The following JAK2 variants were observed in gnomAD, a reference collection of about 807,000 sequenced individuals.
JAK2 encodes Janus kinase 2, also known as tyrosine-protein kinase JAK2.
Under a neutral mutation model 139.3 loss-of-function variants are expected in JAK2, and 86 were observed. The ratio of observed to expected loss-of-function variants is 0.62; its 90% CI spans 0.52 to 0.74. The LOEUF (loss-of-function observed/expected upper bound fraction) is 0.74. Ranked by LOEUF, JAK2 falls within the 30% of genes least tolerant of loss-of-function variation. The pLI is 0.00. For missense variants in JAK2, 1,421 were observed against 1,360.3 expected (o/e 1.04, Z -0.70); for synonymous variants, 490 against 437.7 (o/e 1.12, Z -1.49).
At chr9:5,124,315 T>C (rs1159720324) in intron 23 of JAK2, among the ~76,000 whole-genome samples, 4 of 151,606 alleles carry the variant, frequency 2.6e-5, no homozygotes, top group African/African-American at 9.7e-5. Flanking sequence ...TTTCTCTAGG[T>C]TTTTTTTCTA....
chr9:5,066,222 G>C (rs1475609981), intron 9 of JAK2, among the ~76,000 whole-genome samples: 1 of 152,014 alleles, frequency 6.6e-6, no homozygotes, highest in East Asian at 1.9e-4. Flanking sequence ...CAGTTGCCAT[G>C]GTTCTTCTCT....
At position 5,090,487 on chromosome 9, in the gene JAK2, G is replaced by A. The variant is rs768007778; in HGVS notation, c.2803G>A (p.Gly935Arg). ...ATTAATTATGGAATATTTACCATATGGAAGTTTACGAGACTATCTTCAAAA... is the reference window on the plus strand; with the variant it reads ...ATTAATTATGGAATATTTACCATATAGAAGTTTACGAGACTATCTTCAAAA... Reference protein sequence around the residue: ...LKLIMEYLPYGSLRDYLQKHK... With the variant: ...LKLIMEYLPYRSLRDYLQKHK... Residue 935 changes from glycine (G) to arginine (R), a missense_variant, in exon 21 of 25, where the codon GGA (glycine) becomes AGA (arginine). Gly to Arg is a moderately radical substitution (Grantham distance 125). Transcript: ENST00000381652. The A allele has an allele frequency of 1.3e-6, 2 of 1,585,754 alleles. No homozygotes were observed. Among genetic ancestry groups the A allele is most frequent in the Non-Finnish European group, 1.7e-6 (2 of 1,165,964 alleles).
chr9:5,072,384 T>C (rs552293574), intron 12 of JAK2, 108 bp from the exon 13 acceptor site: 1 of 718,830 alleles, frequency 1.4e-6, no homozygotes, highest in Non-Finnish European at 2.1e-6. Context: ...CTAAGGAAAA[T>C]ACTTGCTTAT....
chr9:5,107,203 G>A (rs1234292949), intron 22 of JAK2, among the ~76,000 whole-genome samples: 2 of 151,920 alleles, frequency 1.3e-5, no homozygotes, highest in African/African-American at 4.8e-5. Context: ...AACTAGTTTC[G>A]ATAATATCTG....
chr9:5,090,830 GAGATTTTGGGTTAACCAAAGT>G lies in JAK2; in HGVS notation c.2979_2999del (p.Asp994_Val1000del). 1 of 1,613,418 alleles carries G rather than the reference GAGATTTTGGGTTAACCAAAGT, an allele frequency of 6.2e-7. No individual in the cohort carries two copies. Among genetic ancestry groups the G allele is most frequent in the Non-Finnish European group, 8.5e-7 (1 of 1,179,564 alleles). On this transcript the variant is annotated inframe_deletion, in exon 22 of 25. Transcript: ENST00000381652. Reference sequence around the variant, plus strand: ...GAGAACGAGAACAGAGTTAAAATTGGAGATTTTGGGTTAACCAAAGTCTTGCCACAAGACAAAGAATACTAT... The same window carrying G: ...GAGAACGAGAACAGAGTTAAAATTGGCTTGCCACAAGACAAAGAATACTAT...
At chr9:5,037,424 A>G (rs1340651183) in intron 4 of JAK2, among the ~76,000 whole-genome samples, 1 of 152,256 alleles carries the variant, frequency 6.6e-6, no homozygotes, top group Non-Finnish European at 1.5e-5. Flanking sequence ...TTATTGCGGC[A>G]CTATTCACAA....
rs150334355 is a variant in JAK2, at chr9:5,075,747, A to G, written c.1865-1706A>G. On this transcript the variant is annotated intron_variant, in intron 14 of 24. Coordinates refer to ENST00000381652, the MANE Select transcript of JAK2 (RefSeq NM_004972.4). Reference sequence around the variant, plus strand: ...ACAACATCCATTCTGTAGCCCATGGATCAAGGAGTTATTTCAACTTTCAAG... The same window carrying G: ...ACAACATCCATTCTGTAGCCCATGGGTCAAGGAGTTATTTCAACTTTCAAG... 5.8e-4 allele frequency among the ~76,000 whole-genome samples: 88 copies of G among 152,318 alleles called. 4 individuals are homozygous for G. The East Asian group carries it at 9.1e-3, about 16-fold the overall frequency.
intron 4 of JAK2, among the ~76,000 whole-genome samples, chr9:5,039,615 G>T (rs1336876203): frequency 6.6e-6 from 1 of 151,892 alleles, no homozygotes; most frequent in African/African-American, 2.4e-5. Context: ...AAAACTATTA[G>T]AACTAATAAA....
At chr9:5,053,743 C>T (rs2149555) in intron 6 of JAK2, among the ~76,000 whole-genome samples, 36,669 of 151,312 alleles carry the variant, frequency 0.24, 4,746 homozygotes, top group South Asian at 0.31. Flanking sequence ...TTATACGGGA[C>T]GGACATTAAT....
intron 2 of JAK2, among the ~76,000 whole-genome samples, chr9:5,005,228 G>A (rs1170829759): frequency 6.7e-6 from 1 of 150,170 alleles, no homozygotes; most frequent in African/African-American, 2.5e-5. Flanking sequence ...GGGATTACAG[G>A]GTTGAGCCAC....
chr9:5,091,974 G>A (rs894898246), intron 22 of JAK2, among the ~76,000 whole-genome samples: 1 of 152,066 alleles, frequency 6.6e-6, no homozygotes, highest in Non-Finnish European at 1.5e-5. Context: ...TTAGTGATGA[G>A]GAATCCGGCG....
At chr9:5,098,094 A>G (rs1374787239) in intron 22 of JAK2, 1 of 152,202 alleles carries the variant, frequency 6.6e-6, no homozygotes, top group Non-Finnish European at 1.5e-5. Context: ...TTTGTTTCGA[A>G]AAGAAAAACT....
chr9:5,075,584 T>C (rs2130569941), intron 14 of JAK2, among the ~76,000 whole-genome samples: 1 of 152,312 alleles, frequency 6.6e-6, no homozygotes, highest in South Asian at 2.1e-4. Context: ...TATTGACTAT[T>C]TTAAGCCCAT....
At chr9:5,024,229 C>A (rs1822627764) in intron 3 of JAK2, among the ~76,000 whole-genome samples, 1 of 152,020 alleles carries the variant, frequency 6.6e-6, no homozygotes, top group South Asian at 2.1e-4. Context: ...GCACTCCAGC[C>A]TGGGCGACAG....
chr9:5,029,858 T>C lies in JAK2; in HGVS notation c.302T>C (p.Val101Ala), dbSNP rs760406225. The C allele has an allele frequency of 1.9e-6, 3 of 1,612,216 alleles. No homozygotes were observed. The highest frequency in any genetic ancestry group is 3.3e-5 in the Admixed American group (2 of 59,956). ...AGGATCTGGTATCCACCCAACCATG[T>C]CTTCCATATAGATGAGTCAACCAGG... The part of the protein sequence containing the change: ...TERIWYPPNH[V>A]FHIDESTRHN... The change falls in exon 4 of 25, where the codon GTC (valine) becomes GCC (alanine). Residue 101 changes from valine to alanine, a missense_variant. Val to Ala is a moderately conservative substitution (Grantham distance 64). Transcript: ENST00000381652.
intron 19 of JAK2, among the ~76,000 whole-genome samples, chr9:5,086,387 A>T (rs1209311094): frequency 6.6e-6 from 1 of 152,216 alleles, no homozygotes; most frequent in Non-Finnish European, 1.5e-5. Context: ...TCCATGGTGC[A>T]GATATGGGAT....
intron 4 of JAK2, among the ~76,000 whole-genome samples, chr9:5,031,512 C>T (rs1563939397): frequency 6.6e-6 from 1 of 152,036 alleles, no homozygotes; most frequent in Admixed American, 6.6e-5. Context: ...AGTTGATTAG[C>T]TGTTTGAATA....
At chr9:5,051,367 AT>A (rs1191118503) in intron 6 of JAK2, among the ~76,000 whole-genome samples, 1 of 152,178 alleles carries the variant, frequency 6.6e-6, no homozygotes, top group Admixed American at 6.5e-5. Flanking sequence ...AGTTGGCTAT[AT>A]AAATGACCTG....
chr9:5,028,229 C>T (rs1822908609), intron 3 of JAK2, among the ~76,000 whole-genome samples: 1 of 152,156 alleles, frequency 6.6e-6, no homozygotes, highest in African/African-American at 2.4e-5. Flanking sequence ...ACATGAAATT[C>T]AATGTACATC....
Sources: allele counts gnomAD v4.1 joint callset (sites outside exome capture counted in the v4.1 genomes callset), GRCh38; gene constraint gnomAD v4.1.1; transcripts MANE v1.5; gene names NCBI Gene and HGNC (gene_info 2026-07-23, HGNC 2026-07-21).